Variants in PRICKLE1 observed in about 807,000 individuals in gnomAD.
PRICKLE1 encodes the protein prickle-like protein 1.
Under a neutral mutation model 70.2 loss-of-function variants are expected in PRICKLE1, and 14 were observed. That is an observed-to-expected ratio of 0.20 (90% CI 0.13 to 0.31). PRICKLE1 has a LOEUF of 0.31. Among genes scored for constraint, PRICKLE1 ranks in the 10% least tolerant of loss-of-function variants. The probability of loss-of-function intolerance (pLI) is 1.00; values close to 1 mark genes in which losing one functional copy is unlikely to be tolerated. For missense variants in PRICKLE1, 821 were observed against 1,026.2 expected (o/e 0.80, Z 2.73); for synonymous variants, 357 against 379.9 (o/e 0.94, Z 0.70).
chr12:42,460,399 C>T lies in PRICKLE1; in HGVS notation c.1906G>A (p.Asp636Asn). 2 of 1,614,100 alleles carry T rather than the reference C, an allele frequency of 1.2e-6. No homozygotes were observed. The highest frequency in any genetic ancestry group is 1.7e-6 in the Non-Finnish European group (2 of 1,179,992). The change falls in exon 8 of 8, where the codon GAT (aspartate) becomes AAT (asparagine). Residue 636 changes from aspartate (D) to asparagine (N), a missense_variant. Physicochemically the swap from Asp to Asn is conservative, Grantham distance 23 (BLOSUM62 1). Transcript: ENST00000345127. ...SRPQQVKFSD[D>N]VIDNGNYDIE... ...TCATAGTTCCCATTGTCAATGACAT[C>T]ATCAGAAAACTTGACCTGCTGGGGT...
At chr12:42,535,688 G>A (rs1940006224) in intron 1 of PRICKLE1, among the ~76,000 whole-genome samples, 1 of 152,164 alleles carries the variant, frequency 6.6e-6, no homozygotes, top group African/African-American at 2.4e-5. Context: ...GGAGGTCGAG[G>A]CAGGAGGATT....
intron 1 of PRICKLE1, among the ~76,000 whole-genome samples, chr12:42,522,271 T>C (rs2708079): frequency 0.67 from 101,097 of 151,924 alleles, 35,392 homozygotes; most frequent in African/African-American, 0.9. Context: ...CTACCATACC[T>C]GGCCTTAACT....
intron 1 of PRICKLE1, among the ~76,000 whole-genome samples, chr12:42,494,467 G>A (rs1020331242): frequency 6.6e-6 from 1 of 152,096 alleles, no homozygotes; most frequent in African/African-American, 2.4e-5. Flanking sequence ...ATCTTCACCA[G>A]GAGTAGATTC....
At chr12:42,472,621 C>A in intron 1 of PRICKLE1, 57 bp from the exon 2 acceptor site, 1 of 1,426,612 alleles carries the variant, frequency 7.0e-7, no homozygotes, top group Admixed American at 1.8e-5. Flanking sequence ...ATTTCTCTTA[C>A]CCCCGACCCA....
intron 7 of PRICKLE1, among the ~76,000 whole-genome samples, chr12:42,463,324 AAAAAG>A (rs1188105192): frequency 6.6e-6 from 1 of 152,168 alleles, no homozygotes; most frequent in African/African-American, 2.4e-5. Context: ...AACTAGGAAA[AAAAAG>A]AAAACATTAC....
chr12:42,578,873 T>C (rs1396697278), intron 1 of PRICKLE1, among the ~76,000 whole-genome samples: 2 of 152,066 alleles, frequency 1.3e-5, no homozygotes, highest in African/African-American at 4.8e-5. Flanking sequence ...GTGATTCTCC[T>C]GCCTCAGCCT....
intron 1 of PRICKLE1, among the ~76,000 whole-genome samples, chr12:42,502,296 T>TTTTTC (rs149360530): frequency 2.1e-5 from 3 of 142,100 alleles, no homozygotes; most frequent in Non-Finnish European, 4.6e-5. Flanking sequence ...TATATATTTG[T>TTTTTC]TTTTCTTTTC....
In PRICKLE1 at chr12:42,459,966, C is replaced by G; in HGVS notation, c.2339G>C (p.Gly780Ala). The stretch of plus-strand genomic sequence containing the variant: ...TGGCCGGGGTTGAGGGATTGGTTGT[C>G]CAAGAAAATATCCTTCTTCTTCCGA... ...SDSEEEGYFL[G>A]QPIPQPRPQR... Residue 780 changes from glycine (G) to alanine (A), a missense_variant, in exon 8 of 8, where the codon GGA (glycine) becomes GCA (alanine). Transcript: ENST00000345127. 6.2e-7 allele frequency: 1 copy of G among 1,613,952 alleles called. No individual in the cohort carries two copies. The highest frequency in any genetic ancestry group is 1.1e-5 in the South Asian group (1 of 91,040).
chr12:42,521,170 C>T (rs936415350), intron 1 of PRICKLE1, among the ~76,000 whole-genome samples: 7 of 151,170 alleles, frequency 4.6e-5, no homozygotes, highest in Admixed American at 6.6e-5. Flanking sequence ...CACAAGACCC[C>T]GTCTTAAAAA....
Position 42,457,025 on chromosome 12 carries a change from A to T in PRICKLE1, c.*2784T>A, listed in dbSNP as rs1937625231. ...ACACTGTCTCTACTAAAAATATAAA[A>T]AATTAGCCGAGCATGGTGGCAGGCA... is the stretch of plus-strand genomic sequence containing the variant. On this transcript the variant is annotated 3_prime_UTR_variant, in exon 8 of 8. Coordinates refer to ENST00000345127, the MANE Select transcript of PRICKLE1 (RefSeq NM_153026.3). 6.6e-6 allele frequency: 1 copy of T among 152,164 alleles called. No individual in the cohort carries two copies. Among genetic ancestry groups the T allele is most frequent in the Non-Finnish European group, 1.5e-5 (1 of 68,064 alleles). 9.4% of individuals were successfully genotyped at this position (152,164 alleles called of 1,614,324 possible). A position where few individuals can be genotyped will look rare whatever the true frequency, so the allele number is the denominator to read the frequency against.
chr12:42,478,619 T>C (rs1391862537), intron 1 of PRICKLE1, among the ~76,000 whole-genome samples: 1 of 152,034 alleles, frequency 6.6e-6, no homozygotes, highest in South Asian at 2.1e-4. Context: ...ACTAAAAGCC[T>C]ACTATCAGAG....
intron 1 of PRICKLE1, among the ~76,000 whole-genome samples, chr12:42,475,604 T>C (rs908116517): frequency 3.9e-5 from 6 of 152,090 alleles, no homozygotes; most frequent in Admixed American, 2.0e-4. Context: ...AACTGGAAGG[T>C]AGTCCACTTT....
At chr12:42,465,496 G>A (rs1326381739) in intron 6 of PRICKLE1, 8 of 537,792 alleles carry the variant, frequency 1.5e-5, no homozygotes, top group Non-Finnish European at 3.3e-6. Flanking sequence ...ATTCGCAGAT[G>A]TGCAGAGTGG....
At chr12:42,466,098 C>A in intron 6 of PRICKLE1, 96 bp downstream of exon 6, 4 of 1,320,750 alleles carry the variant, frequency 3.0e-6, no homozygotes, top group Non-Finnish European at 4.4e-6. Flanking sequence ...AATTATATCT[C>A]AACTTTAAAA....
Position 42,464,526 on chromosome 12 carries a change from T to G in PRICKLE1, c.1508A>C (p.Asp503Ala). 6.2e-7 allele frequency: 1 copy of G among 1,614,002 alleles called. No homozygotes were observed. Among genetic ancestry groups the G allele is most frequent in the East Asian group, 2.2e-5 (1 of 44,846 alleles). Residue 503 changes from aspartate (D) to alanine (A), a missense_variant, in exon 7 of 8, where the codon GAC (aspartate) becomes GCC (alanine). Transcript: ENST00000345127. This position sits in a 1 kb window ranked among gnomAD's most constrained non-coding sequence, Gnocchi z 4.2. ...ATGATTATACCCTGAAGCCCCATGG[T>G]CCAGTTCCAATTCCTGAAGCCTTCT... The part of the protein sequence containing the change: ...SSRRLQELEL[D>A]HGASGYNHDE...
At chr12:42,542,923 G>A (rs1940142435) in intron 1 of PRICKLE1, among the ~76,000 whole-genome samples, 1 of 152,164 alleles carries the variant, frequency 6.6e-6, no homozygotes, top group Non-Finnish European at 1.5e-5. Context: ...TCTAGGAGGT[G>A]GGCGATTGGG....
At chr12:42,502,280 T>C (rs548597038) in intron 1 of PRICKLE1, among the ~76,000 whole-genome samples, 1 of 148,542 alleles carries the variant, frequency 6.7e-6, no homozygotes, top group Non-Finnish European at 1.5e-5. Flanking sequence ...CATATATATA[T>C]ATAGATATAT....
chr12:42,536,077 A>G (rs557265171), intron 1 of PRICKLE1, among the ~76,000 whole-genome samples: 1 of 152,350 alleles, frequency 6.6e-6, no homozygotes, highest in South Asian at 2.1e-4. Context: ...TGGTCTGCAC[A>G]GAAATATCAC....
chr12:42,559,204 G>A (rs923892827), intron 1 of PRICKLE1, among the ~76,000 whole-genome samples: 1 of 152,014 alleles, frequency 6.6e-6, no homozygotes, highest in Admixed American at 6.6e-5. Flanking sequence ...GTTTCCTGGT[G>A]GCTTTTAGAA....
Sources: gnomAD v4.1 joint callset for allele counts (sites outside exome capture counted in the v4.1 genomes callset) on GRCh38, gnomAD v4.1.1 for gene constraint, Gnocchi (gnomAD v3.1) non-coding constraint, MANE v1.5 for transcripts, NCBI Gene and HGNC (gene_info 2026-07-23, HGNC 2026-07-21) for gene names.